SV2C: variants seen among roughly 807,000 people sequenced by gnomAD.
SV2C encodes the protein solute carrier family 22 member B3.
Under a neutral mutation model 79.7 loss-of-function variants are expected in SV2C, and 49 were observed. The observed-to-expected ratio is 0.61, with a 90% CI of 0.49 to 0.78. SV2C has a LOEUF of 0.78. Among genes scored for constraint, SV2C ranks in the 30% least tolerant of loss-of-function variants. SV2C has a pLI of 0.00. For missense variants in SV2C, 833 were observed against 912.9 expected, an observed-to-expected ratio of 0.91 and a Z score of 1.13; for synonymous variants, 334 against 333.2, an observed-to-expected ratio of 1.00 and a Z score of -0.03.
chr5:76,336,125 A>C (rs552009162), downstream of SV2C, among the ~76,000 whole-genome samples: 4,543 of 136,200 alleles, frequency 0.033, 103 homozygotes, highest in Middle Eastern at 0.074. Context: ...TCCCTCCCGG[A>C]CGGGGCGGCT....
chr5:76,230,925 A>T (rs1435370648), intron 4 of SV2C, among the ~76,000 whole-genome samples: 1 of 152,242 alleles, frequency 6.6e-6, no homozygotes, highest in Non-Finnish European at 1.5e-5. Context: ...TCGAAGCCTC[A>T]GTCCTGACAC....
the SV2C span, among the ~76,000 whole-genome samples, chr5:75,991,854 T>C: frequency 6.6e-6 from 1 of 151,850 alleles, no homozygotes; most frequent in Non-Finnish European, 1.5e-5. Context: ...CTCTATCATA[T>C]ACTAAATTTG....
At chr5:76,292,905 C>T (rs571130985) in intron 8 of SV2C, among the ~76,000 whole-genome samples, 15 of 152,324 alleles carry the variant, frequency 9.8e-5, no homozygotes, top group South Asian at 6.2e-4. Context: ...ATACTCTACA[C>T]TTTCAGGTCA....
At chr5:75,882,789 T>TAAAAAA in the SV2C span, among the ~76,000 whole-genome samples, 21 of 142,470 alleles carry the variant, frequency 1.5e-4, no homozygotes, top group Admixed American at 1.2e-3. Context: ...CCTAAAACCA[T>TAAAAAA]AAAAAAAAAA....
the SV2C span, among the ~76,000 whole-genome samples, chr5:76,012,230 G>T: frequency 8.3e-4 from 126 of 152,302 alleles, 4 homozygotes; most frequent in Non-Finnish European, 4.7e-4. Context: ...CACCAACAGT[G>T]TAAAAGCGTT....
chr5:76,132,336 T>C lies in SV2C; in HGVS notation c.580+6T>C, dbSNP rs932425833. 6.2e-7 allele frequency: 1 copy of C among 1,603,422 alleles called. No homozygotes were observed. The highest frequency in any genetic ancestry group is 8.5e-7 in the Non-Finnish European group (1 of 1,173,622). On this transcript the variant is annotated splice_donor_region_variant and intron_variant, in intron 2 of 12. Transcript: ENST00000502798. ...TTCAGGATCTGGATGGCTAGGTGAG[T>C]GTGTGGTGTCAGTGAGGCCAACTCT...
chr5:76,238,241 A>G lies in SV2C; in HGVS notation c.913+28354A>G, dbSNP rs185569736. Among the ~76,000 whole-genome samples, 1,226 of 151,592 alleles carry G rather than the reference A, an allele frequency of 8.1e-3. 9 individuals are homozygous for G. Among genetic ancestry groups the G allele is most frequent in the Non-Finnish European group, 0.01 (691 of 67,882 alleles). ...AGGAGCTTCTTTATATCTTCCAACC[A>G]TTCTATTGAGTTTTTATTTCTGTTA... On this transcript the variant is annotated intron_variant, in intron 4 of 12. Coordinates refer to ENST00000502798, the MANE Select transcript of SV2C (RefSeq NM_014979.4).
intron 2 of SV2C, among the ~76,000 whole-genome samples, chr5:76,178,563 A>G (rs1743614941): frequency 6.6e-6 from 1 of 152,236 alleles, no homozygotes; most frequent in Non-Finnish European, 1.5e-5. Flanking sequence ...AATGATTGCA[A>G]TAACATGCAC....
At chr5:75,872,138 A>G in the SV2C span, among the ~76,000 whole-genome samples, 1 of 149,288 alleles carries the variant, frequency 6.7e-6, no homozygotes, top group African/African-American at 2.4e-5. Flanking sequence ...AGAAATTACA[A>G]TGGAAAAATA....
At chr5:76,025,121 C>A in the SV2C span, among the ~76,000 whole-genome samples, 1 of 151,166 alleles carries the variant, frequency 6.6e-6, no homozygotes, top group Non-Finnish European at 1.5e-5. Context: ...CACAGGACAG[C>A]AAAGTGTAAT....
At chr5:76,168,842 C>A (rs1387790649) in intron 2 of SV2C, among the ~76,000 whole-genome samples, 1 of 152,152 alleles carries the variant, frequency 6.6e-6, no homozygotes, top group Non-Finnish European at 1.5e-5. Flanking sequence ...AAGAGGAAAT[C>A]CCTGCCCCGC....
chr5:76,206,592 G>C (rs1744615508), intron 3 of SV2C, among the ~76,000 whole-genome samples: 2 of 152,206 alleles, frequency 1.3e-5, no homozygotes, highest in Admixed American at 6.5e-5. Flanking sequence ...CATGAGAACA[G>C]ATTACTCCAG....
the SV2C span, among the ~76,000 whole-genome samples, chr5:75,918,243 T>TATTGATTGTTCCAGGCAACACTACA: frequency 6.6e-6 from 1 of 152,156 alleles, no homozygotes; most frequent in African/African-American, 2.4e-5. Flanking sequence ...AGTAACCTTC[T>TATTGATTGTTCCAGGCAACACTACA]ATTGATTGTT....
chr5:76,041,472 G>C, the SV2C span, among the ~76,000 whole-genome samples: 2 of 152,176 alleles, frequency 1.3e-5, no homozygotes, highest in African/African-American at 4.8e-5. Flanking sequence ...GCAGAGCAGA[G>C]TTCACCCTAG....
chr5:76,090,392 C>T (rs1303823837), intron 1 of SV2C, among the ~76,000 whole-genome samples: 6 of 152,158 alleles, frequency 3.9e-5, no homozygotes, highest in South Asian at 2.1e-4. Flanking sequence ...ATTTAGTCTT[C>T]GTGGTAACCC....
intron 9 of SV2C, among the ~76,000 whole-genome samples, chr5:76,296,292 A>G (rs1355552765): frequency 2.0e-5 from 3 of 152,234 alleles, no homozygotes. Context: ...CTATAGGATT[A>G]TTTAATTCAC....
the SV2C span, among the ~76,000 whole-genome samples, chr5:75,879,644 G>A: frequency 6.6e-6 from 1 of 152,196 alleles, no homozygotes; most frequent in Non-Finnish European, 1.5e-5. Flanking sequence ...TCATGGGTTG[G>A]AGCTGAGTGC....
At chr5:76,161,106 G>C (rs896196661) in intron 2 of SV2C, among the ~76,000 whole-genome samples, 1 of 152,152 alleles carries the variant, frequency 6.6e-6, no homozygotes, top group East Asian at 1.9e-4. Flanking sequence ...GTAGCTAAAA[G>C]GTGAAAGCAA....
the SV2C span, among the ~76,000 whole-genome samples, chr5:76,050,950 C>A: frequency 6.6e-6 from 1 of 152,056 alleles, no homozygotes; most frequent in Non-Finnish European, 1.5e-5. Context: ...TAATGATAAG[C>A]AAGCCAGATT....
Sources: gnomAD v4.1 joint callset for allele counts (sites outside exome capture counted in the v4.1 genomes callset) on GRCh38, gnomAD v4.1.1 for gene constraint, MANE v1.5 for transcripts, NCBI Gene and HGNC (gene_info 2026-07-23, HGNC 2026-07-21) for gene names.